NUP35: variants seen among roughly 807,000 people sequenced by gnomAD.
NUP35 encodes the protein nucleoporin 35, also known as nucleoporin NUP35.
Under a neutral mutation model 41.5 loss-of-function variants are expected in NUP35, and 25 were observed. That is an observed-to-expected ratio of 0.60 (90% CI 0.44 to 0.84). The LOEUF (loss-of-function observed/expected upper bound fraction) is 0.84, where lower values mean the gene tolerates loss of function less well. NUP35 is among the 40% of genes least tolerant of loss of function. The probability of loss-of-function intolerance (pLI) is 0.00; values close to 1 mark genes in which losing one functional copy is unlikely to be tolerated. For missense variants in NUP35, 396 were observed against 396.6 expected (o/e 1.00, Z 0.01); for synonymous variants, 149 against 130.7 (o/e 1.14, Z -0.96).
intron 4 of NUP35, among the ~76,000 whole-genome samples, chr2:183,148,905 C>T (rs116632615): frequency 0.044 from 6,719 of 152,184 alleles, 240 homozygotes; most frequent in South Asian, 0.15. Flanking sequence ...CCTCCCAAAG[C>T]GCTGGGATTA....
intron 1 of NUP35, among the ~76,000 whole-genome samples, chr2:183,126,435 A>G (rs1684489734): frequency 6.6e-6 from 1 of 152,158 alleles, no homozygotes; most frequent in South Asian, 2.1e-4. Context: ...GAATGTTACC[A>G]AAAACTTTGC....
rs1201035458 is a variant in NUP35 at position 183,151,601 on chromosome 2, C to CTT, written c.493_494dup (p.Leu165PhefsTer2). Reference sequence around the variant, plus strand: ...GATCCTTTTTATACTCAAGGAGATTCTTTGACTTCAGAAGATCACCTCGAT... The same window carrying CTT: ...GATCCTTTTTATACTCAAGGAGATTCTTTTTGACTTCAGAAGATCACCTCGAT... On this transcript the variant is annotated frameshift_variant, in exon 5 of 9. Coordinates refer to ENST00000295119, the MANE Select transcript of NUP35 (RefSeq NM_138285.5). LOFTEE classifies it high-confidence loss of function. 8 of 1,613,820 alleles carry CTT rather than the reference C, an allele frequency of 5.0e-6. No homozygotes were observed. The highest frequency in any genetic ancestry group is 6.8e-6 in the Non-Finnish European group (8 of 1,179,828).
intron 4 of NUP35, among the ~76,000 whole-genome samples, chr2:183,143,049 G>A (rs1329673496): frequency 1.3e-5 from 2 of 151,018 alleles, no homozygotes; most frequent in East Asian, 2.0e-4. Context: ...CCAGCTACTC[G>A]GGAGGCTGAG....
At chr2:183,148,349 T>G (rs938977660) in intron 4 of NUP35, among the ~76,000 whole-genome samples, 1 of 152,210 alleles carries the variant, frequency 6.6e-6, no homozygotes, top group African/African-American at 2.4e-5. Context: ...GATTGAATGG[T>G]AGTTCTATTT....
chr2:183,150,793 G>T (rs1685445796), intron 4 of NUP35, among the ~76,000 whole-genome samples: 1 of 152,148 alleles, frequency 6.6e-6, no homozygotes, highest in Non-Finnish European at 1.5e-5. Context: ...GATAAAATAT[G>T]TTTTGAATGA....
chr2:183,135,051 A>T (rs1436735539), intron 4 of NUP35, among the ~76,000 whole-genome samples: 1 of 152,010 alleles, frequency 6.6e-6, no homozygotes, highest in Non-Finnish European at 1.5e-5. Flanking sequence ...CTGTAGTCAT[A>T]TCTCCCTCTC....
chr2:183,126,697 T>C (rs1288852963), intron 1 of NUP35, among the ~76,000 whole-genome samples: 2 of 151,972 alleles, frequency 1.3e-5, no homozygotes, highest in African/African-American at 4.8e-5. Context: ...CCTAATATAA[T>C]GGGAAATAAG....
Position 183,134,782 on chromosome 2 carries a change from A to AT in NUP35, c.397+1174dup, listed in dbSNP as rs3030669. The stretch of plus-strand genomic sequence containing the variant: ...AGGTGCTCGCCACTGCGCCTGGCTA[A>AT]TTTTTTTTTTTTTTTGTATTTTTGG... On this transcript the variant is annotated intron_variant, in intron 4 of 8. Coordinates refer to ENST00000295119, the MANE Select transcript of NUP35 (RefSeq NM_138285.5). Among the ~76,000 whole-genome samples, 395 of 138,660 alleles carry AT rather than the reference A, an allele frequency of 2.8e-3. 1 individual carries two copies. The highest frequency in any genetic ancestry group is 5.3e-3 in the African/African-American group (199 of 37,890). 91.0% of individuals were successfully genotyped at this position (138,660 alleles called of 152,430 possible).
chr2:183,150,459 TTTA>T (rs1685431137), intron 4 of NUP35, among the ~76,000 whole-genome samples: 1 of 152,144 alleles, frequency 6.6e-6, no homozygotes. Context: ...TGGCCTTTGT[TTTA>T]TTATTTTCTC....
intron 3 of NUP35, among the ~76,000 whole-genome samples, chr2:183,133,057 A>G (rs544861087): frequency 6.6e-6 from 1 of 152,296 alleles, no homozygotes; most frequent in African/African-American, 2.4e-5. Flanking sequence ...TCTTATATTT[A>G]AAGGAACTAA....
chr2:183,124,483 A>C lies in NUP35; in HGVS notation c.26A>C (p.Gln9Pro), dbSNP rs1700119080. 1 of 1,614,004 alleles carries C rather than the reference A, an allele frequency of 6.2e-7. No homozygotes were observed. Among genetic ancestry groups the C allele is most frequent in the African/African-American group, 1.3e-5 (1 of 74,928 alleles). MAAFAVEP[Q>P]GPALGSEPMM... ...ATGGCAGCCTTTGCAGTGGAACCTC[A>C]GGGGCCCGCGTTAGGTGAGTGAAAT... The change falls in exon 1 of 9, where the codon CAG (glutamine) becomes CCG (proline). Residue 9 changes from glutamine to proline, a missense_variant. Physicochemically the swap from Gln to Pro is moderately conservative, Grantham distance 76 (BLOSUM62 -1). Coordinates refer to ENST00000295119, the MANE Select transcript of NUP35 (RefSeq NM_138285.5).
intron 6 of NUP35, 84 bp downstream of exon 6, chr2:183,157,597 G>T: frequency 5.1e-6 from 5 of 975,226 alleles, no homozygotes; most frequent in South Asian, 1.5e-5. Context: ...TGAATTTTGT[G>T]GGTTTTTTTT....
At chr2:183,158,526 G>A in intron 7 of NUP35, 115 bp downstream of exon 7, 1 of 934,654 alleles carries the variant, frequency 1.1e-6, no homozygotes, top group East Asian at 2.8e-5. Context: ...TTCTTAGTTT[G>A]TAAAATGTGA....
rs536230027 is a variant in NUP35 at position 183,135,654 on chromosome 2, GAAAT to G, written c.397+2034_397+2037del. The stretch of plus-strand genomic sequence containing the variant: ...TAGAAAAAGTAGGCAGGCAAGAAGG[GAAAT>G]AATACAATAACAGGGAAAGATGGAA... On this transcript the variant is annotated intron_variant, in intron 4 of 8. Coordinates refer to ENST00000295119, the MANE Select transcript of NUP35 (RefSeq NM_138285.5). Among the ~76,000 whole-genome samples, 64 of 152,244 alleles carry G rather than the reference GAAAT, an allele frequency of 4.2e-4. 1 individual carries two copies. The South Asian group carries it at 0.013, about 31-fold the overall frequency.
At position 183,161,144 on chromosome 2, in the gene NUP35, A is replaced by G. The variant is rs202005464; in HGVS notation, c.*13A>G. 22 of 1,601,286 alleles carry G rather than the reference A, an allele frequency of 1.4e-5. No homozygotes were observed. In the Admixed American group the frequency reaches 2.7e-4, roughly 19 times the overall value. On this transcript the variant is annotated 3_prime_UTR_variant, in exon 9 of 9. Transcript: ENST00000295119. ...GTTTGGCTGGTAGTAGAACACCAAGAAGGAGGTTGCTACACTAAAACAGAG... is the reference window on the plus strand; with the variant it reads ...GTTTGGCTGGTAGTAGAACACCAAGGAGGAGGTTGCTACACTAAAACAGAG...
Position 183,161,228 on chromosome 2 carries a change from T to C in NUP35, c.*97T>C. On this transcript the variant is annotated 3_prime_UTR_variant, in exon 9 of 9. Transcript: ENST00000295119. ...ATATAACTGTTCCTGCAGTATTGGATAGCTATCTCATACTTCTTTTAGAAA... is the reference window on the plus strand; with the variant it reads ...ATATAACTGTTCCTGCAGTATTGGACAGCTATCTCATACTTCTTTTAGAAA... 1.4e-6 allele frequency: 1 copy of C among 737,766 alleles called. No homozygotes were observed. Among genetic ancestry groups the C allele is most frequent in the Non-Finnish European group, 2.2e-6 (1 of 447,908 alleles). 45.7% of individuals were successfully genotyped at this position (737,766 alleles called of 1,614,324 possible). A position where few individuals can be genotyped will look rare whatever the true frequency, so the allele number is the denominator to read the frequency against.
chr2:183,156,456 C>T (rs560398027), intron 5 of NUP35, among the ~76,000 whole-genome samples: 4 of 152,314 alleles, frequency 2.6e-5, no homozygotes, highest in Admixed American at 2.0e-4. Flanking sequence ...ACTTCTGCCT[C>T]AGCCGCCTGA....
intron 3 of NUP35, among the ~76,000 whole-genome samples, chr2:183,132,088 G>C (rs56402172): frequency 0.079 from 11,933 of 151,946 alleles, 544 homozygotes; most frequent in South Asian, 0.17. Flanking sequence ...CAGTGAAATG[G>C]TCATGCCCCA....
At chr2:183,121,915 T>TTTATTA (rs71008266), upstream of NUP35, among the ~76,000 whole-genome samples, 59 of 145,350 alleles carry the variant, frequency 4.1e-4, no homozygotes, top group Admixed American at 1.9e-3. Flanking sequence ...GGCCATTCTT[T>TTTATTA]TTATTATTAT....
Sources: gnomAD v4.1 joint callset for allele counts (sites outside exome capture counted in the v4.1 genomes callset) on GRCh38, gnomAD v4.1.1 for gene constraint, MANE v1.5 for transcripts, NCBI Gene and HGNC (gene_info 2026-07-23, HGNC 2026-07-21) for gene names.